HMSD: variants seen among roughly 807,000 people sequenced by gnomAD.
HMSD encodes serpin-like protein HMSD.
Under a neutral mutation model 10.0 loss-of-function variants are expected in HMSD, and 13 were observed. That is an observed-to-expected ratio of 1.31 (90% CI 0.85 to 2.08). The LOEUF is 2.08. Among genes scored for constraint, HMSD ranks in the 30% most tolerant of loss-of-function variants. The pLI is 0.00. For synonymous variants in HMSD, 51 were observed against 54.2 expected (o/e 0.94, Z 0.26); for missense variants, 169 against 166.3 (o/e 1.02, Z -0.09).
chr18:63,958,542 T>C (rs1841425234), intron 3 of HMSD, among the ~76,000 whole-genome samples: 1 of 152,210 alleles, frequency 6.6e-6, no homozygotes. Flanking sequence ...GTTCTGCTTT[T>C]ATGTGGCATA....
downstream of HMSD, among the ~76,000 whole-genome samples, chr18:63,963,101 C>A (rs1238274384): frequency 7.5e-6 from 1 of 133,030 alleles, no homozygotes; most frequent in South Asian, 2.2e-4. Flanking sequence ...TTCTTTCTTT[C>A]TTTCTTTCTT....
chr18:63,956,864 A>G (rs567130723), intron 3 of HMSD, among the ~76,000 whole-genome samples: 1 of 152,354 alleles, frequency 6.6e-6, no homozygotes, highest in South Asian at 2.1e-4. Flanking sequence ...AATGTGGTAC[A>G]TATACACCAC....
intron 3 of HMSD, chr18:63,968,913 C>G (rs2050426168): frequency 6.6e-6 from 1 of 152,310 alleles, no homozygotes. Flanking sequence ...GGAACAGTTA[C>G]TTTTAGGATT....
chr18:63,949,455 C>T (rs948652635), intron 1 of HMSD, 55 bp downstream of exon 1: 3 of 152,406 alleles, frequency 2.0e-5, no homozygotes, highest in East Asian at 1.9e-4. Flanking sequence ...GTTACCTGCT[C>T]TTGAGCCCAG....
chr18:63,967,652 TAGGTCA>T (rs1168690273), intron 3 of HMSD, among the ~76,000 whole-genome samples: 1 of 152,100 alleles, frequency 6.6e-6, no homozygotes, highest in Non-Finnish European at 1.5e-5. Context: ...CAGACAAAAC[TAGGTCA>T]AGGTTGAGTC....
At chr18:63,953,249 T>C (rs917842208) in intron 1 of HMSD, 105 bp from the exon 2 acceptor site, 4 of 501,254 alleles carry the variant, frequency 8.0e-6, no homozygotes, top group Non-Finnish European at 1.5e-5. Flanking sequence ...ACCTATTTGT[T>C]CAATGAAAAC....
At chr18:63,963,095 T>TTTCTTTC (rs1568261302), downstream of HMSD, among the ~76,000 whole-genome samples, 5 of 129,272 alleles carry the variant, frequency 3.9e-5, no homozygotes, top group African/African-American at 1.8e-4. Flanking sequence ...CTTTCTTTCT[T>TTTCTTTC]TCTTTCTTTC....
chr18:63,963,298 G>A (rs1196312570), downstream of HMSD, among the ~76,000 whole-genome samples: 2 of 148,484 alleles, frequency 1.3e-5, no homozygotes, highest in African/African-American at 2.5e-5. Context: ...ACAGAGTATC[G>A]CTCTGTCACC....
intron 3 of HMSD, among the ~76,000 whole-genome samples, chr18:63,955,450 G>A (rs553480581): frequency 7.1e-4 from 108 of 152,236 alleles, no homozygotes; most frequent in Non-Finnish European, 4.3e-4. Flanking sequence ...ATGTGTATGA[G>A]TTACTATCTA....
At chr18:63,957,838 A>G (rs1210223967) in intron 3 of HMSD, among the ~76,000 whole-genome samples, 1 of 152,156 alleles carries the variant, frequency 6.6e-6, no homozygotes, top group Non-Finnish European at 1.5e-5. Context: ...TTTCAGATTA[A>G]TTTATTATTT....
Position 63,960,529 on chromosome 18 carries a change from GTTTTTCT to G in HMSD, c.*178_*184del, listed in dbSNP as rs2050381088. The stretch of plus-strand genomic sequence containing the variant: ...TTTTTTTGCTTGTTAATATTAGGTA[GTTTTTCT>G]TTTCACAAATAGCGTTAAAATTTGA... On this transcript the variant is annotated 3_prime_UTR_variant, in exon 4 of 4. Coordinates refer to ENST00000408945, the MANE Select transcript of HMSD (RefSeq NM_001123366.2). 1 of 979,750 alleles carries G rather than the reference GTTTTTCT, an allele frequency of 1.0e-6. No homozygotes were observed. The highest frequency in any genetic ancestry group is 1.4e-6 in the Non-Finnish European group (1 of 723,248). 60.7% of individuals were successfully genotyped at this position (979,750 alleles called of 1,614,324 possible).
intron 3 of HMSD, among the ~76,000 whole-genome samples, chr18:63,956,442 A>C (rs957509092): frequency 6.6e-6 from 1 of 152,218 alleles, no homozygotes; most frequent in Non-Finnish European, 1.5e-5. Flanking sequence ...GACACTTTTC[A>C]AAAGATGACA....
intron 1 of HMSD, among the ~76,000 whole-genome samples, chr18:63,953,097 C>T (rs997483185): frequency 1.3e-5 from 2 of 152,202 alleles, no homozygotes; most frequent in Non-Finnish European, 2.9e-5. Flanking sequence ...TGAGTGATCT[C>T]AGGCACAACA....
At chr18:63,955,922 A>G (rs779250716) in intron 3 of HMSD, among the ~76,000 whole-genome samples, 8 of 152,202 alleles carry the variant, frequency 5.3e-5, no homozygotes, top group African/African-American at 9.7e-5. Flanking sequence ...AAGATTGGGA[A>G]TGGGAGAATC....
At chr18:63,963,114 TTTCTTTC>T (rs1568261373), downstream of HMSD, among the ~76,000 whole-genome samples, 1 of 137,244 alleles carries the variant, frequency 7.3e-6, no homozygotes, top group Non-Finnish European at 1.6e-5. Context: ...TCTTTCTTTC[TTTCTTTC>T]TTTCTTTCTT....
intron 3 of HMSD, among the ~76,000 whole-genome samples, chr18:63,958,997 G>GA (rs545956208): frequency 1.0e-3 from 155 of 150,120 alleles, no homozygotes; most frequent in Middle Eastern, 7.0e-3. Flanking sequence ...TTGTAAAAAA[G>GA]AAAAAAAAAG....
At position 63,954,562 on chromosome 18, in the gene HMSD, G is replaced by C; in HGVS notation, c.222+5G>C. The C allele has an allele frequency of 6.2e-7, 1 of 1,603,920 alleles. No homozygotes were observed. Among genetic ancestry groups the C allele is most frequent in the Non-Finnish European group, 8.5e-7 (1 of 1,173,240 alleles). The stretch of plus-strand genomic sequence containing the variant: ...AAGTCTTATGATTTCCTCACAGTAA[G>C]TCATACTTGTTTATTAGGAAAATAA... On this transcript the variant is annotated splice_donor_5th_base_variant and intron_variant, in intron 3 of 3. Transcript: ENST00000408945.
In HMSD at chr18:63,954,129, G is replaced by A. The variant is rs79930980; in HGVS notation, c.73-279G>A. Among the ~76,000 whole-genome samples, 2,187 of 152,260 alleles carry A rather than the reference G, an allele frequency of 0.014. 116 individuals carry two copies. In the East Asian group the frequency reaches 0.18, roughly 13 times the overall value. On this transcript the variant is annotated intron_variant, in intron 2 of 3. Transcript: ENST00000408945. ...GTATCATAAATAGCACAAGAAATCC[G>A]AGTCATTTTGTTAGGGTTTGCAAAA...
chr18:63,958,606 T>G (rs1432679060), intron 3 of HMSD, among the ~76,000 whole-genome samples: 1 of 152,258 alleles, frequency 6.6e-6, no homozygotes, highest in Non-Finnish European at 1.5e-5. Context: ...TAACTAAATA[T>G]AGTTTGAACT....
Sources: allele counts gnomAD v4.1 joint callset (sites outside exome capture counted in the v4.1 genomes callset), GRCh38; gene constraint gnomAD v4.1.1; transcripts MANE v1.5; gene names NCBI Gene and HGNC (gene_info 2026-07-23, HGNC 2026-07-21).